The following FNDC3B variants were observed in gnomAD, a reference collection of about 807,000 sequenced individuals.
The protein encoded by FNDC3B is fibronectin type III domain-containing protein 3B.
In FNDC3B, 12 loss-of-function variants were observed where a neutral mutation model predicts 151.5. That is an observed-to-expected ratio of 0.08 (90% CI 0.05 to 0.13). FNDC3B has a LOEUF of 0.13. FNDC3B is among the 10% of genes least tolerant of loss of function. FNDC3B has a pLI of 1.00. For synonymous variants in FNDC3B, 528 were observed against 549.0 expected, an observed-to-expected ratio of 0.96 and a Z score of 0.54; for missense variants, 1,214 against 1,505.3, an observed-to-expected ratio of 0.81 and a Z score of 3.20.
rs557022050 is a variant in FNDC3B, at chr3:172,087,599, T to TTCC, written c.-28-24853_-28-24852insTCC. On this transcript the variant is annotated intron_variant, in intron 1 of 25. Transcript: ENST00000415807. ...GACCTCTGAAAAATAAGGGATGGAA[T>TTCC]AGATAATCTCAGAGGTGCTGCTGAT... is the stretch of plus-strand genomic sequence containing the variant. 6.6e-3 allele frequency among the ~76,000 whole-genome samples: 1,003 copies of TTCC among 152,316 alleles called. 14 individuals are homozygous for TTCC. Among genetic ancestry groups the TTCC allele is most frequent in the African/African-American group, 0.022 (909 of 41,570 alleles).
chr3:172,059,571 C>T (rs887450001), intron 1 of FNDC3B, among the ~76,000 whole-genome samples: 1 of 151,932 alleles, frequency 6.6e-6, no homozygotes, highest in South Asian at 2.1e-4. Context: ...GCCACCTGGC[C>T]TCTGTTATAG....
chr3:172,261,786 A>G (rs921190806), intron 6 of FNDC3B, among the ~76,000 whole-genome samples: 9 of 152,222 alleles, frequency 5.9e-5, no homozygotes, highest in African/African-American at 2.2e-4. Context: ...TGCTCCCCAT[A>G]GTTGACTATA....
At chr3:172,186,994 T>C (rs1689796497) in intron 3 of FNDC3B, 1 of 414,722 alleles carries the variant, frequency 2.4e-6, no homozygotes, top group African/African-American at 2.1e-5. Context: ...GGCTTTACTG[T>C]AGTTTAAGGC....
chr3:172,397,097 C>T, intron 25 of FNDC3B, 67 bp from the exon 26 acceptor site: 1 of 1,312,160 alleles, frequency 7.6e-7, no homozygotes, highest in Non-Finnish European at 1.1e-6. Context: ...TGAATCTAAA[C>T]CAAGATTCTT....
intron 6 of FNDC3B, among the ~76,000 whole-genome samples, chr3:172,253,628 A>G (rs1728188909): frequency 6.6e-6 from 1 of 152,238 alleles, no homozygotes; most frequent in Non-Finnish European, 1.5e-5. Flanking sequence ...TAATACTAGT[A>G]TGATAAACCT....
chr3:172,211,839 A>G (rs1224131670), intron 3 of FNDC3B, among the ~76,000 whole-genome samples: 4 of 152,262 alleles, frequency 2.6e-5, no homozygotes, highest in South Asian at 2.1e-4. Context: ...CAAAACTTCA[A>G]GCATTAAATG....
intron 3 of FNDC3B, among the ~76,000 whole-genome samples, chr3:172,143,136 C>T (rs1170907351): frequency 3.9e-5 from 6 of 152,110 alleles, no homozygotes; most frequent in Non-Finnish European, 8.8e-5. Context: ...AGTGATAGTA[C>T]TGCTGAAGAT....
chr3:172,052,952 C>T (rs1250972061), intron 1 of FNDC3B, among the ~76,000 whole-genome samples: 2 of 152,128 alleles, frequency 1.3e-5, no homozygotes, highest in African/African-American at 2.4e-5. Flanking sequence ...GAAATGAGGA[C>T]ACTTTTGTGC....
intron 1 of FNDC3B, among the ~76,000 whole-genome samples, chr3:172,052,192 C>T (rs976411250): frequency 2.0e-5 from 3 of 151,376 alleles, no homozygotes; most frequent in Non-Finnish European, 2.9e-5. Context: ...TCAAGTGATC[C>T]TTCCACCCTC....
At chr3:172,215,695 G>T (rs1161814089) in intron 3 of FNDC3B, among the ~76,000 whole-genome samples, 1 of 152,196 alleles carries the variant, frequency 6.6e-6, no homozygotes, top group Non-Finnish European at 1.5e-5. Flanking sequence ...CTGCAGTCCA[G>T]CCTGGACTCG....
intron 23 of FNDC3B, among the ~76,000 whole-genome samples, chr3:172,364,385 G>A (rs1734506176): frequency 6.6e-6 from 1 of 152,190 alleles, no homozygotes; most frequent in Admixed American, 6.5e-5. Flanking sequence ...TAGTTGTGCT[G>A]TTTTAGAAAA....
intron 1 of FNDC3B, among the ~76,000 whole-genome samples, chr3:172,088,947 G>A (rs1351863040): frequency 6.6e-6 from 1 of 152,110 alleles, no homozygotes; most frequent in Admixed American, 6.5e-5. Flanking sequence ...AAAATTTACA[G>A]ACAATAGCCA....
intron 1 of FNDC3B, among the ~76,000 whole-genome samples, chr3:172,106,529 G>A (rs966807629): frequency 1.2e-4 from 19 of 152,124 alleles, no homozygotes; most frequent in South Asian, 2.1e-4. Flanking sequence ...ATTAATTTGC[G>A]TACTGTACTG....
intron 2 of FNDC3B, among the ~76,000 whole-genome samples, chr3:172,129,380 A>G (rs1368539651): frequency 6.6e-6 from 1 of 152,242 alleles, no homozygotes; most frequent in East Asian, 1.9e-4. Context: ...GAGTAGTCTT[A>G]GATACTATTG....
intron 1 of FNDC3B, among the ~76,000 whole-genome samples, chr3:172,076,616 A>G (rs1469247628): frequency 6.6e-6 from 1 of 152,158 alleles, no homozygotes; most frequent in Non-Finnish European, 1.5e-5. Context: ...TTTTTAATTA[A>G]TTTATTTTTT....
intron 3 of FNDC3B, among the ~76,000 whole-genome samples, chr3:172,176,685 A>T (rs1414841680): frequency 2.0e-5 from 3 of 152,144 alleles, no homozygotes; most frequent in Non-Finnish European, 4.4e-5. Flanking sequence ...ATTCATCTGA[A>T]ACTGTAGCTT....
At chr3:172,169,281 A>G (rs1723172752) in intron 3 of FNDC3B, among the ~76,000 whole-genome samples, 1 of 152,204 alleles carries the variant, frequency 6.6e-6, no homozygotes, top group Non-Finnish European at 1.5e-5. Flanking sequence ...GGAGCAAGTG[A>G]AGGGGTTGCC....
At chr3:172,245,571 T>G (rs116267041) in intron 4 of FNDC3B, among the ~76,000 whole-genome samples, 2 of 152,220 alleles carry the variant, frequency 1.3e-5, no homozygotes, top group African/African-American at 2.4e-5. Flanking sequence ...TTATACTACA[T>G]GTGCTATTTA....
intron 11 of FNDC3B, among the ~76,000 whole-genome samples, chr3:172,312,207 T>C (rs759331036): frequency 1.3e-5 from 2 of 152,232 alleles, no homozygotes; most frequent in Non-Finnish European, 2.9e-5. Context: ...TGCAGAAGCA[T>C]ATTTTCCCAT....
Sources: allele counts gnomAD v4.1 joint callset (sites outside exome capture counted in the v4.1 genomes callset), GRCh38; gene constraint gnomAD v4.1.1; transcripts MANE v1.5; gene names NCBI Gene and HGNC (gene_info 2026-07-23, HGNC 2026-07-21).